The following NR3C2 variants were observed in gnomAD, a reference collection of about 807,000 sequenced individuals.
NR3C2 encodes mineralocorticoid receptor.
Under a neutral mutation model 86.4 loss-of-function variants are expected in NR3C2, and 15 were observed. That is an observed-to-expected ratio of 0.17 (90% CI 0.12 to 0.27). The LOEUF is 0.27. Among genes scored for constraint, NR3C2 ranks in the 10% least tolerant of loss-of-function variants. The pLI is 1.00. For synonymous variants in NR3C2, 458 were observed against 450.5 expected (o/e 1.02, Z -0.21); for missense variants, 960 against 1,195.6 (o/e 0.80, Z 2.91).
intron 2 of NR3C2, among the ~76,000 whole-genome samples, chr4:148,298,271 G>A (rs1228830794): frequency 3.3e-5 from 5 of 152,060 alleles, no homozygotes; most frequent in African/African-American, 1.2e-4. Flanking sequence ...AACATTATGT[G>A]GAAGAAAAAC....
At position 148,081,304 on chromosome 4, in the gene NR3C2, CAG is replaced by C; in HGVS notation, c.*38_*39del. ...GGGTCCTTCTGGGTGTGGAACAACA[CAG>C]GGAAACTTAAGGCAAAGTTCTTCTG... On this transcript the variant is annotated 3_prime_UTR_variant, in exon 9 of 9. Coordinates refer to ENST00000358102, the MANE Select transcript of NR3C2 (RefSeq NM_000901.5). 1 of 1,614,084 alleles carries C rather than the reference CAG, an allele frequency of 6.2e-7. No individual in the cohort carries two copies. The highest frequency in any genetic ancestry group is 8.5e-7 in the Non-Finnish European group (1 of 1,179,942).
intron 2 of NR3C2, among the ~76,000 whole-genome samples, chr4:148,366,169 A>T (rs2126342754): frequency 6.6e-6 from 1 of 152,272 alleles, no homozygotes; most frequent in Admixed American, 6.5e-5. Context: ...ATGTTAGACA[A>T]ATTTACTTTG....
At chr4:148,168,986 ATTG>A (rs1735002703) in intron 4 of NR3C2, among the ~76,000 whole-genome samples, 1 of 152,192 alleles carries the variant, frequency 6.6e-6, no homozygotes, top group Non-Finnish European at 1.5e-5. Flanking sequence ...ACACTAAAGA[ATTG>A]TTGTTGACCT....
chr4:148,278,120 G>A (rs1031009381), intron 2 of NR3C2, among the ~76,000 whole-genome samples: 1 of 148,818 alleles, frequency 6.7e-6, no homozygotes, highest in East Asian at 2.0e-4. Context: ...TTGTTTGTTT[G>A]AGACAGGTTC....
At chr4:148,399,482 T>C (rs1045846267) in intron 2 of NR3C2, among the ~76,000 whole-genome samples, 8 of 152,072 alleles carry the variant, frequency 5.3e-5, no homozygotes, top group African/African-American at 1.9e-4. Flanking sequence ...AAAACAAATA[T>C]CTTCATTATG....
chr4:148,369,291 A>C (rs1054869350), intron 2 of NR3C2, among the ~76,000 whole-genome samples: 6 of 152,158 alleles, frequency 3.9e-5, no homozygotes, highest in African/African-American at 1.4e-4. Context: ...AGATCTCTTT[A>C]GAAAGTTTGT....
At chr4:148,132,475 C>A (rs1560937795) in intron 6 of NR3C2, among the ~76,000 whole-genome samples, 2 of 152,132 alleles carry the variant, frequency 1.3e-5, no homozygotes, top group African/African-American at 4.8e-5. Context: ...ATACTAGGGG[C>A]CTTGGTACAG....
At chr4:148,433,140 G>A (rs1749873719) in intron 2 of NR3C2, among the ~76,000 whole-genome samples, 1 of 152,100 alleles carries the variant, frequency 6.6e-6, no homozygotes, top group African/African-American at 2.4e-5. Context: ...CTATGCACGG[G>A]TCATTGGACC....
intron 2 of NR3C2, chr4:148,368,542 T>C (rs1358522929): frequency 6.6e-6 from 1 of 152,152 alleles, no homozygotes; most frequent in Non-Finnish European, 1.5e-5. Flanking sequence ...AAAATGAACA[T>C]GGTACTTTCA....
intron 2 of NR3C2, among the ~76,000 whole-genome samples, chr4:148,402,731 G>T (rs1748231061): frequency 6.6e-6 from 1 of 151,946 alleles, no homozygotes; most frequent in South Asian, 2.1e-4. Context: ...TATTATATGA[G>T]GCAAGAAATG....
chr4:148,168,423 A>C (rs1578965083), intron 4 of NR3C2, among the ~76,000 whole-genome samples: 1 of 152,348 alleles, frequency 6.6e-6, no homozygotes, highest in East Asian at 1.9e-4. Context: ...AGAGGAAATA[A>C]AGTTCCAGAA....
intron 2 of NR3C2, among the ~76,000 whole-genome samples, chr4:148,316,416 T>G (rs1423591561): frequency 6.6e-6 from 1 of 152,198 alleles, no homozygotes; most frequent in Non-Finnish European, 1.5e-5. Flanking sequence ...GATTATTTAC[T>G]TTCCGAGAAG....
chr4:148,437,745 T>C (rs1750147953), intron 1 of NR3C2, among the ~76,000 whole-genome samples: 2 of 152,302 alleles, frequency 1.3e-5, no homozygotes, highest in South Asian at 2.1e-4. Context: ...TAAGCATTCA[T>C]TCATTCATTC....
In NR3C2 at chr4:148,152,348, T is replaced by TA. The variant is rs990138782; in HGVS notation, c.2510+120dup. 26 of 1,144,490 alleles carry TA rather than the reference T, an allele frequency of 2.3e-5. No individual in the cohort carries two copies. The Admixed American group carries it at 2.6e-4, about 11-fold the overall frequency. The allele number at this position is 1,144,490 out of a possible 1,614,324, so 70.9% of individuals were successfully genotyped here. A position where few individuals can be genotyped will look rare whatever the true frequency, so the allele number is the denominator to read the frequency against. ...CCAGAGATCTGTAAATTTTTAACGTTAAAAAATGCCAGTTTCAGTAGATTC... is the reference window on the plus strand; with the variant it reads ...CCAGAGATCTGTAAATTTTTAACGTTAAAAAAATGCCAGTTTCAGTAGATTC... On this transcript the variant is annotated intron_variant, in intron 6 of 8. Coordinates refer to ENST00000358102, the MANE Select transcript of NR3C2 (RefSeq NM_000901.5).
chr4:148,261,301 TG>T (rs946720660), intron 2 of NR3C2, among the ~76,000 whole-genome samples: 5 of 131,864 alleles, frequency 3.8e-5, no homozygotes, highest in African/African-American at 1.4e-4. Context: ...GTAAGTGCTA[TG>T]GTGCGCTATG....
upstream of NR3C2, among the ~76,000 whole-genome samples, chr4:148,443,388 C>T (rs578090338): frequency 6.6e-6 from 1 of 151,482 alleles, no homozygotes; most frequent in South Asian, 2.1e-4. Context: ...GCAAGCTTAC[C>T]ATCGAGGATA....
rs2126639902 is a variant in NR3C2, at chr4:148,431,143, G to T, written c.1757+3961C>A. Among the ~76,000 whole-genome samples, 3 of 152,184 alleles carry T rather than the reference G, an allele frequency of 2.0e-5. No homozygotes were observed. In the Middle Eastern group the frequency reaches 0.01, roughly 518 times the overall value. Reference sequence around the variant, plus strand: ...AAATAAGAAGAACAAGGAATTCATAGTAAGTTTCAGAGTTTATTTTTTCTT... The same window carrying T: ...AAATAAGAAGAACAAGGAATTCATATTAAGTTTCAGAGTTTATTTTTTCTT... On this transcript the variant is annotated intron_variant, in intron 2 of 8. Coordinates refer to ENST00000358102, the MANE Select transcript of NR3C2 (RefSeq NM_000901.5).
intron 2 of NR3C2, among the ~76,000 whole-genome samples, chr4:148,339,707 C>G (rs983040565): frequency 1.2e-4 from 18 of 152,036 alleles, no homozygotes; most frequent in South Asian, 4.2e-4. Context: ...CTAGCCAGAG[C>G]AATTAGACAA....
chr4:148,163,628 T>A (rs1734759353), intron 4 of NR3C2, among the ~76,000 whole-genome samples: 1 of 143,450 alleles, frequency 7.0e-6, no homozygotes, highest in Non-Finnish European at 1.5e-5. Flanking sequence ...AGTTTTACCA[T>A]TATAAAGCAA....
Sources: gnomAD v4.1 joint callset for allele counts (sites outside exome capture counted in the v4.1 genomes callset) on GRCh38, gnomAD v4.1.1 for gene constraint, MANE v1.5 for transcripts, NCBI Gene and HGNC (gene_info 2026-07-23, HGNC 2026-07-21) for gene names.